ETS2: variants seen among roughly 807,000 people sequenced by gnomAD.
ETS2 encodes the protein protein C-ets-2.
Under a neutral mutation model 54.9 loss-of-function variants are expected in ETS2, and 19 were observed. That is an observed-to-expected ratio of 0.35 (90% CI 0.24 to 0.51). The LOEUF (loss-of-function observed/expected upper bound fraction) is 0.51, where lower values mean the gene tolerates loss of function less well. ETS2 is among the 20% of genes least tolerant of loss of function. The pLI, the probability that ETS2 is intolerant of heterozygous loss-of-function variation, is 0.97. For synonymous variants in ETS2, 219 were observed against 229.3 expected (o/e 0.95, Z 0.41); for missense variants, 417 against 593.0 (o/e 0.70, Z 3.08).
At position 38,824,087 on chromosome 21, in the gene ETS2, A is replaced by T. The variant is rs1399358351; in HGVS notation, c.*1198A>T. On this transcript the variant is annotated 3_prime_UTR_variant, in exon 10 of 10. Transcript: ENST00000360938. ...TAATTTGTAAGAAAGCTTTATTTTTATCTCAGCTCTATGTAAAGTTAAAGT... is the reference window on the plus strand; with the variant it reads ...TAATTTGTAAGAAAGCTTTATTTTTTTCTCAGCTCTATGTAAAGTTAAAGT... 1.3e-5 allele frequency: 2 copies of T among 152,664 alleles called. No homozygotes were observed. The highest frequency in any genetic ancestry group is 2.9e-5 in the Non-Finnish European group (2 of 68,050). The allele number at this position is 152,664 out of a possible 1,614,324, so 9.5% of individuals were successfully genotyped here.
Position 38,822,805 on chromosome 21 carries a change from C to T in ETS2, c.1326C>T (p.Phe442=). Residue 442 remains phenylalanine (F), a synonymous_variant, in exon 10 of 10, where the codon TTC becomes TTT. Coordinates refer to ENST00000360938, the MANE Select transcript of ETS2 (RefSeq NM_005239.6). The part of the protein sequence containing the change: ...KTSGKRYVYR[F]VCDLQNLLGF... ...CGGGGAAGCGCTACGTGTACCGCTT[C>T]GTGTGCGACCTCCAGAACTTGCTGG... The T allele has an allele frequency of 1.9e-6, 3 of 1,613,774 alleles. No homozygotes were observed. The highest frequency in any genetic ancestry group is 2.5e-6 in the Non-Finnish European group (3 of 1,179,738).
At chr21:38,809,220 G>A (rs958039169) in intron 1 of ETS2, among the ~76,000 whole-genome samples, 4 of 152,310 alleles carry the variant, frequency 2.6e-5, no homozygotes, top group South Asian at 2.1e-4. Context: ...GAGAGCTAGT[G>A]TGTATGTGTG....
chr21:38,812,158 T>C (rs1157523991), intron 2 of ETS2, among the ~76,000 whole-genome samples: 1 of 152,272 alleles, frequency 6.6e-6, no homozygotes, highest in Non-Finnish European at 1.5e-5. Context: ...AATTGTTTCA[T>C]GGCAAACATT....
At chr21:38,819,390 T>A (rs979044816) in intron 7 of ETS2, 113 bp from the exon 8 acceptor site, 13 of 942,008 alleles carry the variant, frequency 1.4e-5, no homozygotes, top group Non-Finnish European at 2.0e-5. Context: ...TCTGAGTGGT[T>A]CTACACCAGC....
At chr21:38,813,151 T>G (rs749052763) in intron 3 of ETS2, 37 bp downstream of exon 3, 1 of 1,283,970 alleles carries the variant, frequency 7.8e-7, no homozygotes. Flanking sequence ...TTGTGCATGA[T>G]TTTCCTAAGT....
chr21:38,821,729 T>C lies in ETS2; in HGVS notation c.1194+25T>C, dbSNP rs776709610. 3.2e-5 allele frequency: 49 copies of C among 1,534,396 alleles called. 1 individual carries two copies. The South Asian group carries it at 5.4e-4, about 17-fold the overall frequency. ...GGTATGGCCAGAGCCCTGGGAAATC[T>C]CTGGGCTTGAAAACCTGATTTCCTG... On this transcript the variant is annotated intron_variant, in intron 9 of 9. Coordinates refer to ENST00000360938, the MANE Select transcript of ETS2 (RefSeq NM_005239.6). This position sits in a 1 kb window ranked among gnomAD's most constrained non-coding sequence, Gnocchi z 4.2.
chr21:38,810,006 T>G (rs749962319), intron 1 of ETS2, 29 bp from the exon 2 acceptor site: 4 of 1,501,804 alleles, frequency 2.7e-6, no homozygotes, highest in Admixed American at 2.1e-5. Flanking sequence ...ATCTTTTGCC[T>G]CTTTGACTTT....
chr21:38,814,953 C>G lies in ETS2; in HGVS notation c.477C>G (p.Leu159=). ...CACCTGACTTTGTGGGTGACATTCTCTGGGAACATCTGGAGCAAATGATCA... is the reference window on the plus strand; with the variant it reads ...CACCTGACTTTGTGGGTGACATTCTGTGGGAACATCTGGAGCAAATGATCA... ...ELAPDFVGDI[L]WEHLEQMIKE... is the part of the protein sequence containing the mutation. The change falls in exon 5 of 10, where the codon CTC becomes CTG. Residue 159 remains leucine (L), a synonymous_variant. Coordinates refer to ENST00000360938, the MANE Select transcript of ETS2 (RefSeq NM_005239.6). The surrounding 1 kb of genome is among the most constrained non-coding windows in gnomAD (Gnocchi z 4.2). 6.2e-7 allele frequency: 1 copy of G among 1,614,156 alleles called. No individual in the cohort carries two copies. The highest frequency in any genetic ancestry group is 8.5e-7 in the Non-Finnish European group (1 of 1,180,026).
Position 38,821,511 on chromosome 21 carries a change from A to T in ETS2, c.1076-75A>T. The T allele has an allele frequency of 9.4e-7, 1 of 1,065,572 alleles. No individual in the cohort carries two copies. Among genetic ancestry groups the T allele is most frequent in the South Asian group, 1.3e-5 (1 of 76,798 alleles). 66.0% of individuals were successfully genotyped at this position (1,065,572 alleles called of 1,614,324 possible). A position where few individuals can be genotyped will look rare whatever the true frequency, so the allele number is the denominator to read the frequency against. On this transcript the variant is annotated intron_variant, in intron 8 of 9. Coordinates refer to ENST00000360938, the MANE Select transcript of ETS2 (RefSeq NM_005239.6). The surrounding 1 kb of genome is among the most constrained non-coding windows in gnomAD (Gnocchi z 4.2). ...CTGCATTCCTAAATCAGCATGTACA[A>T]TTAGGATGGTTAAAGACTTGCTGTA...
At chr21:38,815,095 TA>T in intron 5 of ETS2, 114 bp downstream of exon 5, 2 of 983,092 alleles carry the variant, frequency 2.0e-6, no homozygotes, top group Non-Finnish European at 1.6e-6. Context: ...TGAAATGACA[TA>T]GAGTACCTTG....
rs2060892093 is a variant in ETS2 at position 38,806,182 on chromosome 21, G to A, written c.-1+62G>A. On this transcript the variant is annotated intron_variant, in intron 1 of 9. Transcript: ENST00000360938. This position sits in a 1 kb window ranked among gnomAD's most constrained non-coding sequence, Gnocchi z 4.3. ...GCTCCAGTCCCATGGAGGGTCACCC[G>A]GGGCCTGGGCGGGGGTCGCGGGGGG... 3.0e-6 allele frequency: 3 copies of A among 995,262 alleles called. No individual in the cohort carries two copies. In the South Asian group the frequency reaches 1.3e-4, roughly 44 times the overall value. The allele number at this position is 995,262 out of a possible 1,614,324, so 61.7% of individuals were successfully genotyped here. A position where few individuals can be genotyped will look rare whatever the true frequency, so the allele number is the denominator to read the frequency against.
At position 38,819,674 on chromosome 21, in the gene ETS2, C is replaced by T. The variant is rs766741634; in HGVS notation, c.983C>T (p.Thr328Ile). ...CAGTCTCTCTGCCTCAATAAGCCAA[C>T]CATGTCTTTCAAGGATTACATCCAA... ...CSQSLCLNKP[T>I]MSFKDYIQER... is the part of the protein sequence containing the mutation. The change falls in exon 8 of 10, where the codon ACC (threonine) becomes ATC (isoleucine). Residue 328 changes from threonine (T) to isoleucine (I), a missense_variant. Thr to Ile is a moderately conservative substitution (Grantham distance 89). Coordinates refer to ENST00000360938, the MANE Select transcript of ETS2 (RefSeq NM_005239.6). 3.7e-6 allele frequency: 6 copies of T among 1,614,014 alleles called. No individual in the cohort carries two copies. The highest frequency in any genetic ancestry group is 1.6e-4 in the Middle Eastern group (1 of 6,084).
chr21:38,805,868 T>TCCTCCTC (rs1031107660), upstream of ETS2: 78 of 1,179,020 alleles, frequency 6.6e-5, no homozygotes, highest in African/African-American at 9.5e-4. This position sits in a 1 kb window ranked among gnomAD's most constrained non-coding sequence, Gnocchi z 5.2. Flanking sequence ...CGTCCCTCCT[T>TCCTCCTC]CCTCCTCCCT....
Position 38,821,825 on chromosome 21 carries a change from T to G in ETS2, c.1194+121T>G. The G allele has an allele frequency of 1.4e-6, 1 of 710,512 alleles. No individual in the cohort carries two copies. Among genetic ancestry groups the G allele is most frequent in the Non-Finnish European group, 2.5e-6 (1 of 400,492 alleles). 44.0% of individuals were successfully genotyped at this position (710,512 alleles called of 1,614,324 possible). On this transcript the variant is annotated intron_variant, in intron 9 of 9. Coordinates refer to ENST00000360938, the MANE Select transcript of ETS2 (RefSeq NM_005239.6). The surrounding 1 kb of genome is among the most constrained non-coding windows in gnomAD (Gnocchi z 4.2). ...CAGTACTGCTGAGAATCTTTCCACG[T>G]GAGGCATCCTTGGCTGTTGGGAAAA... is the stretch of plus-strand genomic sequence containing the variant.
Position 38,823,017 on chromosome 21 carries a change from T to C in ETS2, c.*128T>C. ...GTCCAGGAAAGTGGCCAAGAAGCAG[T>C]GGCCTTATTGCATCCCAAACCACGC... On this transcript the variant is annotated 3_prime_UTR_variant, in exon 10 of 10. Coordinates refer to ENST00000360938, the MANE Select transcript of ETS2 (RefSeq NM_005239.6). 2.9e-6 allele frequency: 2 copies of C among 694,794 alleles called. No individual in the cohort carries two copies. Among genetic ancestry groups the C allele is most frequent in the East Asian group, 3.1e-5 (1 of 32,054 alleles). The allele number at this position is 694,794 out of a possible 1,614,324, so 43.0% of individuals were successfully genotyped here.
rs2060966777 is a variant in ETS2 at position 38,823,537 on chromosome 21, A to G, written c.*648A>G. On this transcript the variant is annotated 3_prime_UTR_variant, in exon 10 of 10. Coordinates refer to ENST00000360938, the MANE Select transcript of ETS2 (RefSeq NM_005239.6). ...TTTAATCTGCCAAGGGCCGACTAAG[A>G]GAAGTTGTAAAGTATGTATTATTTA... The G allele has an allele frequency of 6.6e-6, 1 of 152,426 alleles. No homozygotes were observed. The allele number at this position is 152,426 out of a possible 1,614,324, so 9.4% of individuals were successfully genotyped here. A position where few individuals can be genotyped will look rare whatever the true frequency, so the allele number is the denominator to read the frequency against.
chr21:38,810,258 T>C, intron 2 of ETS2, 152 bp downstream of exon 2: 2 of 528,116 alleles, frequency 3.8e-6, no homozygotes, highest in Non-Finnish European at 6.6e-6. Context: ...TTACTTGCTC[T>C]GGTCCTCAGT....
intron 6 of ETS2, 130 bp from the exon 7 acceptor site, chr21:38,818,295 C>A: frequency 8.1e-7 from 1 of 1,239,418 alleles, no homozygotes; most frequent in Non-Finnish European, 1.1e-6. Context: ...CCCACCAAAG[C>A]CCGGGTCTCC....
chr21:38,811,358 G>A (rs180778410), intron 2 of ETS2, among the ~76,000 whole-genome samples: 43 of 152,264 alleles, frequency 2.8e-4, no homozygotes, highest in African/African-American at 8.9e-4. Flanking sequence ...GGTTTTCCTC[G>A]TAGATCTCAG....
Sources: allele counts gnomAD v4.1 joint callset (sites outside exome capture counted in the v4.1 genomes callset), GRCh38; gene constraint gnomAD v4.1.1; non-coding constraint Gnocchi (gnomAD v3.1); transcripts MANE v1.5; gene names NCBI Gene and HGNC (gene_info 2026-07-23, HGNC 2026-07-21).